PPP4R2: variants seen among roughly 807,000 people sequenced by gnomAD.
PPP4R2 encodes protein phosphatase 4 regulatory subunit 2.
PPP4R2 carries 13 observed loss-of-function variants against 47.2 expected under a neutral mutation model. That is an observed-to-expected ratio of 0.28 (90% CI 0.18 to 0.44). The LOEUF (loss-of-function observed/expected upper bound fraction) is 0.44, where lower values mean the gene tolerates loss of function less well. PPP4R2 is among the 20% of genes least tolerant of loss of function. The probability of loss-of-function intolerance (pLI) is 1.00; values close to 1 mark genes in which losing one functional copy is unlikely to be tolerated. For missense variants in PPP4R2, 421 were observed against 491.2 expected, an observed-to-expected ratio of 0.86 and a Z score of 1.35; for synonymous variants, 151 against 163.3, an observed-to-expected ratio of 0.92 and a Z score of 0.57.
At chr3:73,036,084 A>T (rs1171514517) in intron 2 of PPP4R2, among the ~76,000 whole-genome samples, 1 of 152,230 alleles carries the variant, frequency 6.6e-6, no homozygotes, top group Non-Finnish European at 1.5e-5. Context: ...ATGAAGTCCC[A>T]TCCTTTGCAC....
intron 2 of PPP4R2, among the ~76,000 whole-genome samples, chr3:73,005,606 TG>T (rs1386410318): frequency 6.6e-6 from 1 of 151,872 alleles, no homozygotes; most frequent in Non-Finnish European, 1.5e-5. Context: ...CCCAGCAGTT[TG>T]GGAGGCTGAG....
chr3:72,997,327 G>A (rs1409866844), intron 1 of PPP4R2: 28 of 385,670 alleles, frequency 7.3e-5, no homozygotes, highest in Non-Finnish European at 1.2e-4. Flanking sequence ...GGGGGCCCCA[G>A]TCTTTCTCCC....
Position 73,059,558 on chromosome 3 carries a change from C to T in PPP4R2, c.381+428C>T, listed in dbSNP as rs145896610. On this transcript the variant is annotated intron_variant, in intron 4 of 8. Transcript: ENST00000356692. ...AAATGAGGTATTGAGTAGAAAGATGCAGGTCAGATTTAGAGATAAACATTA... is the reference window on the plus strand; with the variant it reads ...AAATGAGGTATTGAGTAGAAAGATGTAGGTCAGATTTAGAGATAAACATTA... 5.1e-3 allele frequency among the ~76,000 whole-genome samples: 770 copies of T among 152,096 alleles called. 2 individuals are homozygous for T. Among genetic ancestry groups the T allele is most frequent in the Admixed American group, 7.7e-3 (117 of 15,276 alleles).
intron 2 of PPP4R2, among the ~76,000 whole-genome samples, chr3:73,045,824 G>A (rs1373105194): frequency 6.6e-6 from 1 of 152,142 alleles, no homozygotes; most frequent in African/African-American, 2.4e-5. Flanking sequence ...ATCTAAATAA[G>A]CTTTATTTGT....
intron 2 of PPP4R2, among the ~76,000 whole-genome samples, chr3:73,013,021 C>T (rs999775245): frequency 6.7e-6 from 1 of 148,828 alleles, no homozygotes; most frequent in Non-Finnish European, 1.5e-5. Context: ...TGTGTAGATA[C>T]TGATACTTTT....
At chr3:73,017,734 T>C (rs1045143963) in intron 2 of PPP4R2, among the ~76,000 whole-genome samples, 2 of 146,310 alleles carry the variant, frequency 1.4e-5, no homozygotes, top group African/African-American at 2.5e-5. Flanking sequence ...CCATACCAGC[T>C]TTTTTTTTTT....
chr3:73,002,949 T>G (rs1238540272), intron 2 of PPP4R2, among the ~76,000 whole-genome samples: 2 of 151,954 alleles, frequency 1.3e-5, no homozygotes, highest in Admixed American at 1.3e-4. Context: ...GCCCAGGGTT[T>G]TTATAACTTT....
intron 2 of PPP4R2, among the ~76,000 whole-genome samples, chr3:73,027,057 T>C (rs1378188984): frequency 1.3e-5 from 2 of 152,234 alleles, no homozygotes; most frequent in African/African-American, 4.8e-5. Context: ...CTTAGAACAG[T>C]ACCTGGCATT....
At chr3:73,058,983 C>A in intron 3 of PPP4R2, 54 bp from the exon 4 acceptor site, 1 of 1,079,904 alleles carries the variant, frequency 9.3e-7, no homozygotes, top group Non-Finnish European at 1.4e-6. Flanking sequence ...AATAATGTTC[C>A]TCGTTTTCTT....
intron 2 of PPP4R2, among the ~76,000 whole-genome samples, chr3:73,002,596 C>T (rs1701492429): frequency 1.4e-5 from 2 of 145,208 alleles, no homozygotes; most frequent in South Asian, 4.3e-4. Context: ...CATGGGAGTG[C>T]ACAGGGATTT....
At chr3:72,998,442 G>A (rs1701395517) in intron 2 of PPP4R2, among the ~76,000 whole-genome samples, 1 of 152,094 alleles carries the variant, frequency 6.6e-6, no homozygotes, top group Non-Finnish European at 1.5e-5. Flanking sequence ...GCCAGAGAAA[G>A]GAAGAATGCC....
At chr3:73,000,426 A>G (rs1701435740) in intron 2 of PPP4R2, among the ~76,000 whole-genome samples, 1 of 152,216 alleles carries the variant, frequency 6.6e-6, no homozygotes, top group African/African-American at 2.4e-5. Flanking sequence ...CTGTTTATGG[A>G]TCAAAATCAG....
intron 3 of PPP4R2, 116 bp from the exon 4 acceptor site, chr3:73,058,920 TC>T: frequency 3.4e-6 from 2 of 593,678 alleles, no homozygotes; most frequent in Non-Finnish European, 5.8e-6. Context: ...TATAGCATTT[TC>T]TTTTGTAGCT....
In PPP4R2 at chr3:72,999,174, C is replaced by T. The variant is rs181217782; in HGVS notation, c.116+1016C>T. Among the ~76,000 whole-genome samples the T allele has an allele frequency of 3.2e-3, 483 of 152,238 alleles. 2 individuals carry two copies. Among genetic ancestry groups the T allele is most frequent in the Admixed American group, 4.9e-3 (75 of 15,288 alleles). On this transcript the variant is annotated intron_variant, in intron 2 of 8. Coordinates refer to ENST00000356692, the MANE Select transcript of PPP4R2 (RefSeq NM_174907.4). ...TCCTTAGTATTCTATTAAAATACAC[C>T]AGTCATTTTGAGAACGTCAGTGTGA...
intron 2 of PPP4R2, among the ~76,000 whole-genome samples, chr3:73,018,350 C>T (rs928037017): frequency 1.3e-4 from 19 of 143,164 alleles, no homozygotes; most frequent in Non-Finnish European, 2.6e-4. Flanking sequence ...TTGGTATACA[C>T]AGGAGTCTTG....
chr3:73,045,526 AT>A (rs10659714), intron 2 of PPP4R2, among the ~76,000 whole-genome samples: 100 of 139,390 alleles, frequency 7.2e-4, no homozygotes, highest in East Asian at 5.4e-3. Flanking sequence ...CATTCTCCTA[AT>A]TTTTTTTTTT....
At chr3:73,027,878 C>G (rs1043354709) in intron 2 of PPP4R2, 1 of 150,926 alleles carries the variant, frequency 6.6e-6, no homozygotes, top group Non-Finnish European at 1.5e-5. Context: ...GCCTCCCCAC[C>G]GCTCCCCTCA....
intron 2 of PPP4R2, among the ~76,000 whole-genome samples, chr3:73,040,011 C>T (rs1185406894): frequency 2.0e-5 from 3 of 152,150 alleles, no homozygotes; most frequent in Admixed American, 6.5e-5. Flanking sequence ...CCGAGATCGC[C>T]ATTGCACTCC....
chr3:73,027,317 G>T (rs1193903765), intron 2 of PPP4R2, among the ~76,000 whole-genome samples: 1 of 152,114 alleles, frequency 6.6e-6, no homozygotes, highest in Non-Finnish European at 1.5e-5. Flanking sequence ...TAGTAGAGAC[G>T]GGGTTTCACC....
Sources: gnomAD v4.1 joint callset for allele counts (sites outside exome capture counted in the v4.1 genomes callset) on GRCh38, gnomAD v4.1.1 for gene constraint, MANE v1.5 for transcripts, NCBI Gene and HGNC (gene_info 2026-07-23, HGNC 2026-07-21) for gene names.